ABR: variants seen among roughly 807,000 people sequenced by gnomAD.
ABR encodes the protein ABR activator of RhoGEF and GTPase.
Under a neutral mutation model 107.2 loss-of-function variants are expected in ABR, and 35 were observed. The ratio of observed to expected loss-of-function variants is 0.33; its 90% CI spans 0.25 to 0.43. The LOEUF is 0.43. Ranked by LOEUF, ABR falls within the 20% of genes least tolerant of loss-of-function variation. ABR has a pLI of 1.00. For missense variants in ABR, 815 were observed against 1,115.2 expected (o/e 0.73, Z 3.83); for synonymous variants, 498 against 462.0 (o/e 1.08, Z -1.00).
At chr17:1,087,570 T>C (rs1156388852) in intron 4 of ABR, among the ~76,000 whole-genome samples, 3 of 79,300 alleles carry the variant, frequency 3.8e-5, no homozygotes, top group African/African-American at 1.1e-4. Flanking sequence ...TTAAAGGGGG[T>C]GGGGCCTGAC....
chr17:1,021,226 C>T (rs1018597438), intron 16 of ABR, among the ~76,000 whole-genome samples: 7 of 152,200 alleles, frequency 4.6e-5, no homozygotes, highest in African/African-American at 1.7e-4. Context: ...TCCAGGGGCT[C>T]ACTGGACGAC....
At position 1,109,410 on chromosome 17, in the gene ABR, G is replaced by T. The variant is rs925931139; in HGVS notation, c.247-8675C>A. ...GGGCCCGCCCTTCCCGGGCTCCGGG[G>T]CTCGGGCTCGCGCTCGCTCCGAACA... On this transcript the variant is annotated intron_variant, in intron 2 of 22. Transcript: ENST00000302538. Among the ~76,000 whole-genome samples, 4 of 152,042 alleles carry T rather than the reference G, an allele frequency of 2.6e-5. No homozygotes were observed. In the East Asian group the frequency reaches 5.8e-4, roughly 22 times the overall value.
chr17:1,163,132 C>T (rs2041370936), intron 1 of ABR, among the ~76,000 whole-genome samples: 1 of 152,214 alleles, frequency 6.6e-6, no homozygotes, highest in Non-Finnish European at 1.5e-5. Context: ...CTGTTCTCTC[C>T]TGTAAACTGG....
chr17:1,167,698 C>T (rs892254362), intron 1 of ABR, among the ~76,000 whole-genome samples: 1 of 152,164 alleles, frequency 6.6e-6, no homozygotes, highest in African/African-American at 2.4e-5. Flanking sequence ...AGCAGGTTGC[C>T]GGAGGCTAAA....
chr17:1,030,178 T>C (rs991625122), intron 16 of ABR, among the ~76,000 whole-genome samples: 5 of 152,224 alleles, frequency 3.3e-5, no homozygotes, highest in African/African-American at 1.2e-4. Context: ...GGCTTCTCAG[T>C]TCTGCCGGCC....
At chr17:1,039,042 G>C (rs1242273054) in intron 16 of ABR, among the ~76,000 whole-genome samples, 7 of 152,192 alleles carry the variant, frequency 4.6e-5, no homozygotes, top group Admixed American at 2.6e-4. Flanking sequence ...GGCCGGCTAA[G>C]ATCAAACCCA....
intron 9 of ABR, among the ~76,000 whole-genome samples, chr17:1,069,620 C>T (rs1443734319): frequency 2.0e-5 from 3 of 151,986 alleles, no homozygotes; most frequent in Admixed American, 6.6e-5. Flanking sequence ...TGCAGTGAGC[C>T]GAGATCGCAC....
chr17:1,224,989 A>T (rs966849013), intron 1 of ABR, among the ~76,000 whole-genome samples: 7 of 151,962 alleles, frequency 4.6e-5, no homozygotes, highest in African/African-American at 1.7e-4. Context: ...CTCTACTAAA[A>T]ATACAAAAAA....
intron 1 of ABR, among the ~76,000 whole-genome samples, chr17:1,193,561 C>G (rs8080506): frequency 0.46 from 69,946 of 152,078 alleles, 19,634 homozygotes; most frequent in Non-Finnish European, 0.63. Flanking sequence ...AGTCCTGAAG[C>G]TTCAGGAAAG....
intron 1 of ABR, among the ~76,000 whole-genome samples, chr17:1,174,358 A>G (rs1382437188): frequency 1.3e-5 from 2 of 152,218 alleles, no homozygotes; most frequent in African/African-American, 2.4e-5. Flanking sequence ...GGCGCTCACT[A>G]GCACACACGG....
At chr17:1,207,261 AT>A (rs1246744420) in intron 1 of ABR, among the ~76,000 whole-genome samples, 3 of 145,176 alleles carry the variant, frequency 2.1e-5, no homozygotes, top group Non-Finnish European at 3.0e-5. Flanking sequence ...AAAAAAAAAA[AT>A]GTGAACAGAT....
At chr17:1,151,703 C>T (rs1298504176) in intron 1 of ABR, among the ~76,000 whole-genome samples, 1 of 152,202 alleles carries the variant, frequency 6.6e-6, no homozygotes, top group Non-Finnish European at 1.5e-5. Context: ...TAGGTTGAAC[C>T]CTTTTTGGGC....
At chr17:1,160,131 C>T (rs570037696) in intron 1 of ABR, among the ~76,000 whole-genome samples, 3 of 152,154 alleles carry the variant, frequency 2.0e-5, no homozygotes, top group African/African-American at 4.8e-5. Context: ...GGTCTAGGGC[C>T]GCTGTACCTC....
chr17:1,091,787 C>T lies in ABR; in HGVS notation c.409G>A (p.Glu137Lys). ...TCCTGGATCTTGTAGAAGATGGTCT[C>T]GATCTGCTGGATGGTGAGCACGGGC... ...SQPVLTIQQI[E>K]TIFYKIQDIY... is the part of the protein sequence containing the mutation. The change falls in exon 4 of 23, where the codon GAG becomes AAG. Residue 137 changes from glutamate (E) to lysine (K), a missense_variant. Physicochemically the swap from Glu to Lys is moderately conservative, Grantham distance 56 (BLOSUM62 1). Coordinates refer to ENST00000302538, the MANE Select transcript of ABR (RefSeq NM_021962.5). The T allele has an allele frequency of 1.9e-6, 3 of 1,614,152 alleles. No homozygotes were observed. The highest frequency in any genetic ancestry group is 2.5e-6 in the Non-Finnish European group (3 of 1,180,016).
At position 1,022,106 on chromosome 17, in the gene ABR, C is replaced by CAAAAAAAAAAAAAAA. The variant is rs759234729; in HGVS notation, c.1792-8957_1792-8943dup. 2.0e-3 allele frequency among the ~76,000 whole-genome samples: 77 copies of CAAAAAAAAAAAAAAA among 39,188 alleles called. 2 individuals are homozygous for CAAAAAAAAAAAAAAA. The highest frequency in any genetic ancestry group is 6.2e-3 in the African/African-American group (40 of 6,496). The allele number at this position is 39,188 out of a possible 152,430, so 25.7% of individuals were successfully genotyped here. On this transcript the variant is annotated intron_variant, in intron 16 of 22. Coordinates refer to ENST00000302538, the MANE Select transcript of ABR (RefSeq NM_021962.5). Reference sequence around the variant, plus strand: ...TGGGCAACAGAGCAAGACTCTGTCTCAAAAAAAAAAAAAAAAAAACAGAAA... The same window carrying CAAAAAAAAAAAAAAA: ...TGGGCAACAGAGCAAGACTCTGTCTCAAAAAAAAAAAAAAAAAAAAAAAAAAAAAAAAAACAGAAA...
At chr17:1,017,688 G>T (rs571584013) in intron 16 of ABR, among the ~76,000 whole-genome samples, 2 of 151,844 alleles carry the variant, frequency 1.3e-5, no homozygotes, top group South Asian at 4.2e-4. Context: ...GGCTGGTCTC[G>T]AACTCCTGAC....
intron 2 of ABR, among the ~76,000 whole-genome samples, chr17:1,123,678 A>G (rs1025682297): frequency 6.6e-6 from 1 of 152,152 alleles, no homozygotes; most frequent in East Asian, 1.9e-4. Flanking sequence ...CAGTGGGGTG[A>G]GAGCTGAGTC....
chr17:1,011,930 TCTC>T lies in ABR; in HGVS notation c.2014_2016del (p.Glu672del). 1.2e-6 allele frequency: 2 copies of T among 1,613,062 alleles called. No homozygotes were observed. Among genetic ancestry groups the T allele is most frequent in the Non-Finnish European group, 1.7e-6 (2 of 1,179,288 alleles). On this transcript the variant is annotated inframe_deletion, in exon 19 of 23. Transcript: ENST00000302538. This position sits in a 1 kb window ranked among gnomAD's most constrained non-coding sequence, Gnocchi z 4.8. ...ATGCCAACCTCCTCGATACCCCTCT[TCTC>T]CACCTCCTCCACACACTGCCGGACG...
intron 1 of ABR, among the ~76,000 whole-genome samples, chr17:1,204,067 C>T (rs895614553): frequency 6.6e-6 from 1 of 152,250 alleles, no homozygotes; most frequent in African/African-American, 2.4e-5. Flanking sequence ...GCCTCTCCCT[C>T]ATCTCGGCCT....
Sources: allele counts gnomAD v4.1 joint callset (sites outside exome capture counted in the v4.1 genomes callset), GRCh38; gene constraint gnomAD v4.1.1; non-coding constraint Gnocchi (gnomAD v3.1); transcripts MANE v1.5; gene names NCBI Gene and HGNC (gene_info 2026-07-23, HGNC 2026-07-21).